PIWIL1: variants seen among roughly 807,000 people sequenced by gnomAD.
PIWIL1 encodes piwi like RNA-mediated gene silencing 1.
PIWIL1 carries 73 observed loss-of-function variants against 114.4 expected under a neutral mutation model. The observed-to-expected ratio is 0.64, with a 90% CI of 0.53 to 0.78. The LOEUF is 0.78. Among genes scored for constraint, PIWIL1 ranks in the 30% least tolerant of loss-of-function variants. PIWIL1 has a pLI of 0.00. For synonymous variants in PIWIL1, 375 were observed against 369.0 expected, an observed-to-expected ratio of 1.02 and a Z score of -0.19; for missense variants, 723 against 1,063.1, an observed-to-expected ratio of 0.68 and a Z score of 4.45.
the PIWIL1 span, chr12:130,414,029 C>T: frequency 7.7e-7 from 1 of 1,307,032 alleles, no homozygotes; most frequent in Non-Finnish European, 1.1e-6. Flanking sequence ...AGGAGAAGGC[C>T]ATCTCTAAGT....
At chr12:130,353,440 T>A (rs944973880) in intron 9 of PIWIL1, among the ~76,000 whole-genome samples, 5 of 151,838 alleles carry the variant, frequency 3.3e-5, no homozygotes, top group Admixed American at 1.3e-4. Flanking sequence ...TTTTTTTTTT[T>A]AAAGCTGGAT....
At chr12:130,348,990 AGTCTTAG>A (rs2073144368) in intron 7 of PIWIL1, among the ~76,000 whole-genome samples, 1 of 152,248 alleles carries the variant, frequency 6.6e-6, no homozygotes, top group Admixed American at 6.5e-5. Flanking sequence ...ACTTTTTAAA[AGTCTTAG>A]GCCAGTGTAA....
At chr12:130,406,484 A>C in the PIWIL1 span, among the ~76,000 whole-genome samples, 1 of 152,212 alleles carries the variant, frequency 6.6e-6, no homozygotes, top group East Asian at 1.9e-4. Context: ...TTTGGCCAAA[A>C]TTCAAGATTA....
chr12:130,337,905 T>A lies in PIWIL1; in HGVS notation c.-254T>A, dbSNP rs1259199909. The A allele has an allele frequency of 3.1e-5, 5 of 159,864 alleles. No individual in the cohort carries two copies. Among genetic ancestry groups the A allele is most frequent in the African/African-American group, 1.2e-4 (5 of 41,446 alleles). The allele number at this position is 159,864 out of a possible 1,614,324, so 9.9% of individuals were successfully genotyped here. Reference sequence around the variant, plus strand: ...TTCCGCCGTTACTGGGCGTATGGCGTACAGACACGAGGCCGGCGCCCGGGA... The same window carrying A: ...TTCCGCCGTTACTGGGCGTATGGCGAACAGACACGAGGCCGGCGCCCGGGA... On this transcript the variant is annotated 5_prime_UTR_variant, in exon 1 of 21. Coordinates refer to ENST00000245255, the MANE Select transcript of PIWIL1 (RefSeq NM_004764.5).
the PIWIL1 span, among the ~76,000 whole-genome samples, chr12:130,381,961 A>AC: frequency 6.6e-6 from 1 of 151,988 alleles, no homozygotes; most frequent in Non-Finnish European, 1.5e-5. Context: ...GTGCTAAGGT[A>AC]CCTGTTAAGG....
chr12:130,399,114 C>G, the PIWIL1 span: 1 of 1,382,794 alleles, frequency 7.2e-7, no homozygotes, highest in Admixed American at 2.6e-5. Context: ...TGCTCACTTA[C>G]GTGAAGGCTA....
At chr12:130,377,737 G>A in the PIWIL1 span, among the ~76,000 whole-genome samples, 1 of 152,224 alleles carries the variant, frequency 6.6e-6, no homozygotes, top group African/African-American at 2.4e-5. Context: ...CTTTGGTGTG[G>A]CCCTGTGGCC....
At position 130,343,056 on chromosome 12, in the gene PIWIL1, C is replaced by T; in HGVS notation, c.145C>T (p.Arg49Cys). The T allele has an allele frequency of 4.3e-6, 7 of 1,613,930 alleles. No individual in the cohort carries two copies. Among genetic ancestry groups the T allele is most frequent in the East Asian group, 4.5e-5 (2 of 44,860 alleles). Reference sequence around the variant, plus strand: ...ACCAGCAGAGGGGGAATTATTTGGCCGTGGACGGCAGAGAGGAACAGCAGG... The same window carrying T: ...ACCAGCAGAGGGGGAATTATTTGGCTGTGGACGGCAGAGAGGAACAGCAGG... ...PPPAEGELFGRGRQRGTAGGT... is the reference protein window; with the variant it reads ...PPPAEGELFGCGRQRGTAGGT... Residue 49 changes from arginine (R) to cysteine (C), a missense_variant, in exon 3 of 21, where the codon CGT (arginine) becomes TGT (cysteine). This residue lies in a region of PIWIL1 where 91 missense variants were observed against 76.2 expected (regional missense o/e 1.19). Transcript: ENST00000245255.
chr12:130,410,364 T>G, the PIWIL1 span, among the ~76,000 whole-genome samples: 2 of 152,204 alleles, frequency 1.3e-5, no homozygotes, highest in Non-Finnish European at 2.9e-5. Flanking sequence ...TGCAGAGTAT[T>G]TAATTTTGGT....
chr12:130,425,287 CT>C, the PIWIL1 span: 2 of 160,292 alleles, frequency 1.2e-5, no homozygotes, highest in Non-Finnish European at 2.7e-5. Context: ...CCGTGTGTGA[CT>C]GGAGACAGTT....
At chr12:130,391,233 C>T in the PIWIL1 span, among the ~76,000 whole-genome samples, 1 of 152,220 alleles carries the variant, frequency 6.6e-6, no homozygotes, top group Admixed American at 6.5e-5. Flanking sequence ...GGTGAGGCCG[C>T]CTGCCTTCTC....
chr12:130,414,203 G>T, the PIWIL1 span: 1 of 1,614,230 alleles, frequency 6.2e-7, no homozygotes, highest in South Asian at 1.1e-5. Flanking sequence ...GCGGGTCGTA[G>T]TCAAAGAGAG....
the PIWIL1 span, among the ~76,000 whole-genome samples, chr12:130,414,966 AC>A: frequency 1.3e-5 from 2 of 152,204 alleles, no homozygotes; most frequent in Admixed American, 1.3e-4. Context: ...GCTGAATTCT[AC>A]CAACATACAA....
the PIWIL1 span, among the ~76,000 whole-genome samples, chr12:130,406,570 A>C: frequency 5.9e-5 from 9 of 152,258 alleles, no homozygotes; most frequent in Admixed American, 1.3e-4. Flanking sequence ...TATTAGGGAA[A>C]TGTTCTCTGC....
chr12:130,394,278 G>C, the PIWIL1 span, among the ~76,000 whole-genome samples: 1 of 152,196 alleles, frequency 6.6e-6, no homozygotes. Context: ...TCTGTGATGA[G>C]AGGGGCTGCA....
the PIWIL1 span, among the ~76,000 whole-genome samples, chr12:130,409,207 A>G: frequency 6.6e-6 from 1 of 152,130 alleles, no homozygotes; most frequent in Admixed American, 6.6e-5. Context: ...CCCCACAACA[A>G]TCAAGATATA....
the PIWIL1 span, among the ~76,000 whole-genome samples, chr12:130,403,073 A>G: frequency 1.1e-4 from 17 of 152,204 alleles, no homozygotes; most frequent in Non-Finnish European, 2.5e-4. Flanking sequence ...AGAACAGAGA[A>G]AGAGGAGGGT....
chr12:130,374,166 T>C (rs149805016), downstream of PIWIL1, among the ~76,000 whole-genome samples: 40 of 152,308 alleles, frequency 2.6e-4, no homozygotes, highest in Admixed American at 1.2e-3. Context: ...TTTAGCAATT[T>C]TACACGCATT....
At chr12:130,343,200 T>C in intron 3 of PIWIL1, 99 bp downstream of exon 3, 1 of 702,402 alleles carries the variant, frequency 1.4e-6, no homozygotes, top group Non-Finnish European at 2.3e-6. Context: ...GCTGAAACTG[T>C]TTAAGAAACA....
Sources: allele counts gnomAD v4.1 joint callset (sites outside exome capture counted in the v4.1 genomes callset), GRCh38; gene constraint gnomAD v4.1.1; regional missense constraint gnomAD v4.1.1; transcripts MANE v1.5; gene names NCBI Gene and HGNC (gene_info 2026-07-23, HGNC 2026-07-21).